PPIP5K2: variants seen among roughly 807,000 people sequenced by gnomAD.
PPIP5K2 encodes inositol hexakisphosphate and diphosphoinositol-pentakisphosphate kinase 2.
Under a neutral mutation model 154.6 loss-of-function variants are expected in PPIP5K2, and 105 were observed. That is an observed-to-expected ratio of 0.68 (90% CI 0.58 to 0.80). The LOEUF (loss-of-function observed/expected upper bound fraction) is 0.80. Ranked by LOEUF, PPIP5K2 falls within the 30% of genes least tolerant of loss-of-function variation. The probability of loss-of-function intolerance (pLI) is 0.00; values close to 1 mark genes in which losing one functional copy is unlikely to be tolerated. For missense variants in PPIP5K2, 992 were observed against 1,504.6 expected, an observed-to-expected ratio of 0.66 and a Z score of 5.64; for synonymous variants, 480 against 490.3, an observed-to-expected ratio of 0.98 and a Z score of 0.28.
At chr5:103,182,616 T>C (rs1392244102) in intron 24 of PPIP5K2, among the ~76,000 whole-genome samples, 1 of 152,192 alleles carries the variant, frequency 6.6e-6, no homozygotes, top group Non-Finnish European at 1.5e-5. Context: ...GTTTGCTGCA[T>C]GTTTTGCCTA....
intron 6 of PPIP5K2, 96 bp from the exon 7 acceptor site, chr5:103,147,835 A>G: frequency 1.4e-6 from 1 of 731,018 alleles, no homozygotes; most frequent in Non-Finnish European, 2.3e-6. Flanking sequence ...AATGTCTAAG[A>G]TGGAAATAGA....
At chr5:103,132,471 G>T (rs1019247965) in intron 2 of PPIP5K2, among the ~76,000 whole-genome samples, 4 of 152,026 alleles carry the variant, frequency 2.6e-5, no homozygotes, top group Admixed American at 2.6e-4. Flanking sequence ...GCTTGAACCC[G>T]GGAGGCGGAG....
intron 1 of PPIP5K2, among the ~76,000 whole-genome samples, chr5:103,124,425 C>G (rs782713883): frequency 7.2e-5 from 11 of 151,856 alleles, no homozygotes; most frequent in Admixed American, 1.3e-4. Flanking sequence ...CTCATTTTTG[C>G]TCTTTAGTAT....
At position 103,155,940 on chromosome 5, in the gene PPIP5K2, G is replaced by A; in HGVS notation, c.1435G>A (p.Val479Ile). 6.2e-7 allele frequency: 1 copy of A among 1,604,088 alleles called. No homozygotes were observed. Among genetic ancestry groups the A allele is most frequent in the Non-Finnish European group, 8.5e-7 (1 of 1,171,190 alleles). Reference protein sequence around the residue: ...YGHFSGINRKVQLTYLPHGCP... With the variant: ...YGHFSGINRKIQLTYLPHGCP... ...TCATTTTTCTGGAATAAATCGTAAG[G>A]TTCAGTTGACCTATCTCCCTCATGG... is the stretch of plus-strand genomic sequence containing the variant. Residue 479 changes from valine to isoleucine, a missense_variant, in exon 14 of 31, where the codon GTT becomes ATT. By Grantham distance (29) the Val-to-Ile change is conservative. Coordinates refer to ENST00000358359, the MANE Select transcript of PPIP5K2 (RefSeq NM_001276277.3).
intron 30 of PPIP5K2, among the ~76,000 whole-genome samples, chr5:103,197,515 A>G (rs974091147): frequency 3.3e-5 from 5 of 151,430 alleles, no homozygotes; most frequent in Non-Finnish European, 7.4e-5. Flanking sequence ...TACTTTTTCA[A>G]AGAACCAACT....
In PPIP5K2 at chr5:103,202,385, G is replaced by A. The variant is rs1420875516; in HGVS notation, c.*751G>A. The A allele has an allele frequency of 6.6e-6, 1 of 152,134 alleles. No individual in the cohort carries two copies. Among genetic ancestry groups the A allele is most frequent in the African/African-American group, 2.4e-5 (1 of 41,426 alleles). The allele number at this position is 152,134 out of a possible 1,614,324, so 9.4% of individuals were successfully genotyped here. A position where few individuals can be genotyped will look rare whatever the true frequency, so the allele number is the denominator to read the frequency against. ...TTTTGACAAGAAAGGCACCTTCAGAGTTTCTTTTTAAGTATAGTTGACAAG... is the reference window on the plus strand; with the variant it reads ...TTTTGACAAGAAAGGCACCTTCAGAATTTCTTTTTAAGTATAGTTGACAAG... On this transcript the variant is annotated 3_prime_UTR_variant, in exon 31 of 31. Transcript: ENST00000358359.
intron 21 of PPIP5K2, 195 bp downstream of exon 21, chr5:103,174,167 C>G (rs1580345473): frequency 2.3e-6 from 1 of 443,736 alleles, no homozygotes; most frequent in Middle Eastern, 6.0e-4. Context: ...AGAGAAGATA[C>G]ATTTAAGCAA....
At position 103,206,806 on chromosome 5, in the gene PPIP5K2, T is replaced by G. The variant is rs967412941; in HGVS notation, c.*5172T>G. ...CTGGACATGCGTCAATCAGACGACA[T>G]GCAGTCCAGGCAGAGGAAATTGTTT... is the stretch of plus-strand genomic sequence containing the variant. On this transcript the variant is annotated 3_prime_UTR_variant, in exon 31 of 31. Coordinates refer to ENST00000358359, the MANE Select transcript of PPIP5K2 (RefSeq NM_001276277.3). 2.0e-5 allele frequency: 3 copies of G among 152,236 alleles called. No homozygotes were observed. The highest frequency in any genetic ancestry group is 4.4e-5 in the Non-Finnish European group (3 of 68,048). The allele number at this position is 152,236 out of a possible 1,614,324, so 9.4% of individuals were successfully genotyped here.
At chr5:103,140,351 A>G (rs528565387) in intron 5 of PPIP5K2, among the ~76,000 whole-genome samples, 1 of 152,304 alleles carries the variant, frequency 6.6e-6, no homozygotes, top group Non-Finnish European at 1.5e-5. Flanking sequence ...CTCAAGGCAT[A>G]TATTAATTAA....
At chr5:103,137,163 A>ATT (rs71620680) in intron 4 of PPIP5K2, among the ~76,000 whole-genome samples, 11 of 139,880 alleles carry the variant, frequency 7.9e-5, no homozygotes, top group South Asian at 2.3e-4. Flanking sequence ...TTATAACTAG[A>ATT]TTTTTTTTTT....
intron 9 of PPIP5K2, among the ~76,000 whole-genome samples, chr5:103,152,144 T>C (rs1794729829): frequency 6.6e-6 from 1 of 151,962 alleles, no homozygotes; most frequent in Admixed American, 6.6e-5. Context: ...CTTAAAGTGA[T>C]GTAAGGGAGA....
At chr5:103,201,204 A>G (rs1554230164) in intron 30 of PPIP5K2, among the ~76,000 whole-genome samples, 1 of 152,240 alleles carries the variant, frequency 6.6e-6, no homozygotes, top group Non-Finnish European at 1.5e-5. Flanking sequence ...GAAAAGGCCC[A>G]GGCCAGAAGT....
intron 1 of PPIP5K2, among the ~76,000 whole-genome samples, chr5:103,122,407 A>G (rs1276693138): frequency 1.3e-5 from 2 of 152,234 alleles, no homozygotes; most frequent in African/African-American, 2.4e-5. Context: ...GGCGGATAGG[A>G]ACTTTCAAGG....
intron 24 of PPIP5K2, 104 bp downstream of exon 24, chr5:103,180,292 C>A: frequency 1.1e-6 from 1 of 930,786 alleles, no homozygotes; most frequent in Non-Finnish European, 1.5e-6. Flanking sequence ...GGGAAACCAA[C>A]AAATTTTTAA....
rs782273759 is a variant in PPIP5K2, at chr5:103,149,250, A to AT, written c.844dup (p.Tyr282LeufsTer21). ...GAGACAGTGAAGGAAAAGAAGTAAGATACCCTGTTATTCTCAATGCACGAG... is the reference window on the plus strand; with the variant it reads ...GAGACAGTGAAGGAAAAGAAGTAAGATTACCCTGTTATTCTCAATGCACGAG... On this transcript the variant is annotated frameshift_variant, in exon 8 of 31. Coordinates refer to ENST00000358359, the MANE Select transcript of PPIP5K2 (RefSeq NM_001276277.3). LOFTEE classifies it high-confidence loss of function. 6.2e-7 allele frequency: 1 copy of AT among 1,614,008 alleles called. No homozygotes were observed. The highest frequency in any genetic ancestry group is 1.3e-5 in the African/African-American group (1 of 75,040).
chr5:103,161,050 C>G (rs1488272009), intron 17 of PPIP5K2, among the ~76,000 whole-genome samples: 1 of 150,608 alleles, frequency 6.6e-6, no homozygotes, highest in African/African-American at 2.5e-5. Flanking sequence ...TGTTGGTGTG[C>G]TGCACCCATT....
At chr5:103,155,510 C>T (rs547838579) in intron 13 of PPIP5K2, among the ~76,000 whole-genome samples, 1 of 138,750 alleles carries the variant, frequency 7.2e-6, no homozygotes, top group African/African-American at 2.6e-5. Flanking sequence ...ACTGCAACCT[C>T]TCCCCCTCCC....
Position 103,203,459 on chromosome 5 carries a change from C to A in PPIP5K2, c.*1825C>A, listed in dbSNP as rs994502936. 6.6e-6 allele frequency: 1 copy of A among 152,138 alleles called. No individual in the cohort carries two copies. Among genetic ancestry groups the A allele is most frequent in the Non-Finnish European group, 1.5e-5 (1 of 68,028 alleles). 9.4% of individuals were successfully genotyped at this position (152,138 alleles called of 1,614,324 possible). ...CAGTAGTATTGCTCTGTAGACTAGA[C>A]ACTCTATTTGTAAAAATCTTAGAAT... is the stretch of plus-strand genomic sequence containing the variant. On this transcript the variant is annotated 3_prime_UTR_variant, in exon 31 of 31. Transcript: ENST00000358359.
At chr5:103,160,076 A>G (rs1795986248) in intron 17 of PPIP5K2, among the ~76,000 whole-genome samples, 1 of 152,154 alleles carries the variant, frequency 6.6e-6, no homozygotes, top group Non-Finnish European at 1.5e-5. Flanking sequence ...AGGTTCATCC[A>G]TGTTGTTGCT....
Sources: allele counts gnomAD v4.1 joint callset (sites outside exome capture counted in the v4.1 genomes callset), GRCh38; gene constraint gnomAD v4.1.1; transcripts MANE v1.5; gene names NCBI Gene and HGNC (gene_info 2026-07-23, HGNC 2026-07-21).